MAML2: variants seen among roughly 807,000 people sequenced by gnomAD.
MAML2 encodes mastermind-like protein 2.
MAML2 carries 22 observed loss-of-function variants against 96.1 expected under a neutral mutation model. The ratio of observed to expected loss-of-function variants is 0.23; its 90% CI spans 0.16 to 0.33. The LOEUF (loss-of-function observed/expected upper bound fraction) is 0.33. MAML2 is among the 10% of genes least tolerant of loss of function. The probability of loss-of-function intolerance (pLI) is 1.00; values close to 1 mark genes in which losing one functional copy is unlikely to be tolerated. For synonymous variants in MAML2, 561 were observed against 521.3 expected (o/e 1.08, Z -1.04); for missense variants, 1,367 against 1,392.4 (o/e 0.98, Z 0.29).
intron 2 of MAML2, among the ~76,000 whole-genome samples, chr11:96,068,438 T>TCACA (rs10522513): frequency 0.033 from 3,929 of 120,320 alleles, 182 homozygotes; most frequent in African/African-American, 0.092. Flanking sequence ...GGAGCTTACT[T>TCACA]CACACACACA....
At chr11:96,206,653 C>G (rs1032365917) in intron 1 of MAML2, among the ~76,000 whole-genome samples, 2 of 152,050 alleles carry the variant, frequency 1.3e-5, no homozygotes, top group African/African-American at 4.8e-5. Context: ...ATCAGGAAAC[C>G]CATTTCATTT....
rs540711175 is a variant in MAML2 at position 96,291,322 on chromosome 11, C to T, written c.513+50061G>A. 6.6e-5 allele frequency among the ~76,000 whole-genome samples: 10 copies of T among 152,050 alleles called. No individual in the cohort carries two copies. The South Asian group carries it at 2.1e-3, about 32-fold the overall frequency. ...TGTATTTTTAGTAGAAACAGGGTTA[C>T]ACCACGTTGGCCAGGCTAGTCTCAA... On this transcript the variant is annotated intron_variant, in intron 1 of 4. Coordinates refer to ENST00000524717, the MANE Select transcript of MAML2 (RefSeq NM_032427.4).
intron 1 of MAML2, among the ~76,000 whole-genome samples, chr11:96,225,555 G>A (rs1033182649): frequency 6.6e-6 from 1 of 152,174 alleles, no homozygotes; most frequent in Non-Finnish European, 1.5e-5. Context: ...ACCATGGCCA[G>A]GCATGGTGGT....
intron 2 of MAML2, among the ~76,000 whole-genome samples, chr11:96,091,101 C>T (rs1487770574): frequency 3.3e-5 from 5 of 152,180 alleles, no homozygotes; most frequent in Admixed American, 2.0e-4. Context: ...ATATTGTTCA[C>T]GTTTGGGGCG....
At chr11:96,055,203 G>A (rs1017596589) in intron 2 of MAML2, among the ~76,000 whole-genome samples, 1 of 151,986 alleles carries the variant, frequency 6.6e-6, no homozygotes, top group Non-Finnish European at 1.5e-5. Flanking sequence ...CCTTTTTCTT[G>A]GTAAGAGTCA....
intron 1 of MAML2, among the ~76,000 whole-genome samples, chr11:96,102,145 G>T (rs1049210487): frequency 2.6e-5 from 4 of 152,068 alleles, no homozygotes; most frequent in African/African-American, 9.7e-5. Flanking sequence ...GCGTGGTGGC[G>T]GGTGCCTGTA....
At chr11:96,016,981 GAAT>G (rs1444494182) in intron 2 of MAML2, among the ~76,000 whole-genome samples, 1 of 152,108 alleles carries the variant, frequency 6.6e-6, no homozygotes, top group African/African-American at 2.4e-5. Context: ...AAATTTCTGA[GAAT>G]AATACTGAAG....
intron 1 of MAML2, among the ~76,000 whole-genome samples, chr11:96,117,551 T>G (rs1161771736): frequency 6.6e-6 from 1 of 152,118 alleles, no homozygotes; most frequent in Non-Finnish European, 1.5e-5. Flanking sequence ...CTACCTGCCT[T>G]GGCCTCCCAA....
intron 3 of MAML2, 143 bp from the exon 4 acceptor site, chr11:95,985,785 C>G (rs1426975215): frequency 1.8e-6 from 1 of 557,166 alleles, no homozygotes; most frequent in Non-Finnish European, 3.2e-6. Context: ...ATTTTGTAGT[C>G]TTAATTCAGA....
At chr11:96,211,446 T>TAAAA (rs5793789) in intron 1 of MAML2, among the ~76,000 whole-genome samples, 5 of 141,632 alleles carry the variant, frequency 3.5e-5, no homozygotes, top group African/African-American at 1.3e-4. Context: ...TCTTTGAAAT[T>TAAAA]AAAAAAAAAA....
At chr11:96,041,911 C>T (rs538547837) in intron 2 of MAML2, among the ~76,000 whole-genome samples, 5 of 151,580 alleles carry the variant, frequency 3.3e-5, no homozygotes, top group South Asian at 4.2e-4. Context: ...CAGGTTCAAG[C>T]GATTCTCCTG....
chr11:96,036,398 T>G (rs1858712305), intron 2 of MAML2, among the ~76,000 whole-genome samples: 2 of 152,164 alleles, frequency 1.3e-5, no homozygotes, highest in African/African-American at 4.8e-5. Flanking sequence ...TTTTAAACTC[T>G]TTTAGCACTA....
Position 95,979,715 on chromosome 11 carries a change from T to A in MAML2, c.2704A>T (p.Asn902Tyr). The change falls in exon 5 of 5, where the codon AAT becomes TAT. Residue 902 changes from asparagine (N) to tyrosine (Y), a missense_variant. Physicochemically the swap from Asn to Tyr is moderately radical, Grantham distance 143. Transcript: ENST00000524717. Reference protein sequence around the residue: ...QQRNPKQLLANQNNPMMPRPP... With the variant: ...QQRNPKQLLAYQNNPMMPRPP... The stretch of plus-strand genomic sequence containing the variant: ...CGTGGCATCATAGGGTTGTTTTGAT[T>A]TGCTAACAATTGCTTTGGGTTTCTC... 1 of 1,613,978 alleles carries A rather than the reference T, an allele frequency of 6.2e-7. No homozygotes were observed.
At chr11:96,110,565 A>C (rs1436527920) in intron 1 of MAML2, among the ~76,000 whole-genome samples, 1 of 152,258 alleles carries the variant, frequency 6.6e-6, no homozygotes, top group African/African-American at 2.4e-5. Flanking sequence ...TTCCGTATGC[A>C]TCTGAAGCAG....
chr11:96,131,939 G>A (rs1179932692), intron 1 of MAML2, among the ~76,000 whole-genome samples: 2 of 152,208 alleles, frequency 1.3e-5, no homozygotes, highest in Non-Finnish European at 2.9e-5. Context: ...GAACCCAGGA[G>A]GTAGAGGTTG....
At position 96,027,801 on chromosome 11, in the gene MAML2, G is replaced by A. The variant is rs138304447; in HGVS notation, c.2140-36078C>T. 1.5e-3 allele frequency among the ~76,000 whole-genome samples: 225 copies of A among 152,230 alleles called. 2 individuals carry two copies. In the East Asian group the frequency reaches 0.022, roughly 15 times the overall value. On this transcript the variant is annotated intron_variant, in intron 2 of 4. Transcript: ENST00000524717. ...GGCTGGAGTGCAGTGGCATGATCATGGCTTACTGTAGCCTCAACCTCCTGG... is the reference window on the plus strand; with the variant it reads ...GGCTGGAGTGCAGTGGCATGATCATAGCTTACTGTAGCCTCAACCTCCTGG...
At position 96,301,334 on chromosome 11, in the gene MAML2, C is replaced by T. The variant is rs151039278; in HGVS notation, c.513+40049G>A. Among the ~76,000 whole-genome samples, 20 of 152,274 alleles carry T rather than the reference C, an allele frequency of 1.3e-4. No individual in the cohort carries two copies. In the East Asian group the frequency reaches 3.9e-3, roughly 29 times the overall value. ...CATGGGGTACAGAATTAAGAAGATG[C>T]TCATATTCAATGAGCGTACAACTGG... On this transcript the variant is annotated intron_variant, in intron 1 of 4. Transcript: ENST00000524717.
chr11:96,252,755 G>T (rs1456645243), intron 1 of MAML2, among the ~76,000 whole-genome samples: 1 of 152,154 alleles, frequency 6.6e-6, no homozygotes, highest in Non-Finnish European at 1.5e-5. Context: ...GTCATATCAG[G>T]TGTAAACAGC....
intron 1 of MAML2, among the ~76,000 whole-genome samples, chr11:96,312,243 A>AAAAAAAAAAAAAAAAAAAAAAAC (rs1491024458): frequency 6.9e-6 from 1 of 144,618 alleles, no homozygotes; most frequent in Non-Finnish European, 1.5e-5. Context: ...AAAAAAAAAA[A>AAAAAAAAAAAAAAAAAAAAAAAC]AGAATGAGCA....
Sources: gnomAD v4.1 joint callset for allele counts (sites outside exome capture counted in the v4.1 genomes callset) on GRCh38, gnomAD v4.1.1 for gene constraint, MANE v1.5 for transcripts, NCBI Gene and HGNC (gene_info 2026-07-23, HGNC 2026-07-21) for gene names.